The following OSBPL8 variants were observed in gnomAD, a reference collection of about 807,000 sequenced individuals.
OSBPL8 encodes the protein oxysterol-binding protein-related protein 8.
OSBPL8 carries 59 observed loss-of-function variants against 125.5 expected under a neutral mutation model. The observed-to-expected ratio is 0.47, with a 90% CI of 0.38 to 0.58. OSBPL8 has a LOEUF of 0.58. Ranked by LOEUF, OSBPL8 falls within the 20% of genes least tolerant of loss-of-function variation. The pLI is 0.00. For synonymous variants in OSBPL8, 330 were observed against 338.9 expected, an observed-to-expected ratio of 0.97 and a Z score of 0.29; for missense variants, 758 against 1,047.8, an observed-to-expected ratio of 0.72 and a Z score of 3.82.
chr12:76,512,778 T>C (rs1297495192), intron 1 of OSBPL8, among the ~76,000 whole-genome samples: 1 of 152,226 alleles, frequency 6.6e-6, no homozygotes, highest in Non-Finnish European at 1.5e-5. Flanking sequence ...CTTTGGGCAG[T>C]ATGGCCATTT....
intron 3 of OSBPL8, among the ~76,000 whole-genome samples, chr12:76,452,782 A>T (rs1033566966): frequency 6.6e-6 from 1 of 152,136 alleles, no homozygotes; most frequent in Non-Finnish European, 1.5e-5. Flanking sequence ...CTGCCGTAAT[A>T]GTCTTCTTGG....
chr12:76,525,837 G>T (rs1034828668), intron 1 of OSBPL8, among the ~76,000 whole-genome samples: 30 of 152,244 alleles, frequency 2.0e-4, no homozygotes, highest in African/African-American at 7.0e-4. Flanking sequence ...AATGTACAAA[G>T]AACCCATTCA....
At chr12:76,429,682 T>C (rs1293102977) in intron 4 of OSBPL8, among the ~76,000 whole-genome samples, 2 of 152,146 alleles carry the variant, frequency 1.3e-5, no homozygotes, top group Non-Finnish European at 2.9e-5. Flanking sequence ...ATGTGACATA[T>C]AAAAGGAGTA....
At chr12:76,369,608 T>C (rs1343836078) in intron 20 of OSBPL8, 29 bp downstream of exon 20, 1 of 1,591,880 alleles carries the variant, frequency 6.3e-7, no homozygotes, top group Non-Finnish European at 8.6e-7. Context: ...TAATACATTG[T>C]TTGAAATAAA....
At chr12:76,502,366 C>T (rs1169375799) in intron 1 of OSBPL8, among the ~76,000 whole-genome samples, 1 of 152,174 alleles carries the variant, frequency 6.6e-6, no homozygotes, top group Non-Finnish European at 1.5e-5. Flanking sequence ...CACCAGGAGA[C>T]ACAGCAATGA....
intron 21 of OSBPL8, chr12:76,366,625 GAAGT>G (rs1320127840): frequency 3.0e-5 from 13 of 435,530 alleles, no homozygotes; most frequent in African/African-American, 2.7e-4. Flanking sequence ...CTCACGGAAT[GAAGT>G]AAGGTTATTG....
In OSBPL8 at chr12:76,390,415, T is replaced by G; in HGVS notation, c.1167+5A>C. 3 of 1,589,152 alleles carry G rather than the reference T, an allele frequency of 1.9e-6. No homozygotes were observed. Among genetic ancestry groups the G allele is most frequent in the Non-Finnish European group, 2.6e-6 (3 of 1,162,680 alleles). ...CCAGAACCTCTAAAAATAGCAGACTTTTACCTCTCCAAGTTCTTCATGGCT... is the reference window on the plus strand; with the variant it reads ...CCAGAACCTCTAAAAATAGCAGACTGTTACCTCTCCAAGTTCTTCATGGCT... On this transcript the variant is annotated splice_donor_5th_base_variant and intron_variant, in intron 11 of 23. Coordinates refer to ENST00000261183, the MANE Select transcript of OSBPL8 (RefSeq NM_020841.5).
chr12:76,405,412 TTGCACCAC>T (rs1954216317), intron 5 of OSBPL8, among the ~76,000 whole-genome samples: 1 of 152,138 alleles, frequency 6.6e-6, no homozygotes, highest in African/African-American at 2.4e-5. Context: ...TGAGCAGTGA[TTGCACCAC>T]TGCACTCCAG....
At chr12:76,367,893 C>T (rs980158287) in intron 21 of OSBPL8, among the ~76,000 whole-genome samples, 4 of 152,124 alleles carry the variant, frequency 2.6e-5, no homozygotes, top group Non-Finnish European at 5.9e-5. Context: ...CATTGTATGT[C>T]TGATAACAAA....
chr12:76,536,089 T>TG (rs369861513), intron 1 of OSBPL8, among the ~76,000 whole-genome samples: 160 of 151,910 alleles, frequency 1.1e-3, no homozygotes, highest in Admixed American at 2.1e-3. Context: ...TAAGTGATAT[T>TG]GGGGGGGTGT....
At chr12:76,524,580 C>T (rs1319989974) in intron 1 of OSBPL8, among the ~76,000 whole-genome samples, 1 of 151,772 alleles carries the variant, frequency 6.6e-6, no homozygotes. Context: ...AGGTATTACA[C>T]ACTTCCTGAT....
intron 4 of OSBPL8, among the ~76,000 whole-genome samples, chr12:76,412,949 C>T (rs1397941788): frequency 6.6e-6 from 1 of 152,174 alleles, no homozygotes; most frequent in Non-Finnish European, 1.5e-5. Flanking sequence ...CAGCACTTCA[C>T]ACATACTTGT....
chr12:76,535,577 T>C (rs1950471026), intron 1 of OSBPL8, among the ~76,000 whole-genome samples: 1 of 152,128 alleles, frequency 6.6e-6, no homozygotes, highest in African/African-American at 2.4e-5. Flanking sequence ...ACTCAAAAAT[T>C]TGTACATGGA....
intron 1 of OSBPL8, among the ~76,000 whole-genome samples, chr12:76,529,402 G>A (rs188779668): frequency 5.4e-4 from 82 of 152,076 alleles, no homozygotes; most frequent in Admixed American, 5.4e-3. Flanking sequence ...TAGAAGGTAT[G>A]TCAGATTACG....
At chr12:76,555,231 C>T (rs1454128714) in intron 1 of OSBPL8, among the ~76,000 whole-genome samples, 1 of 152,096 alleles carries the variant, frequency 6.6e-6, no homozygotes, top group Non-Finnish European at 1.5e-5. Context: ...AAGACAATTT[C>T]TTCAAAAACA....
chr12:76,546,534 T>TA (rs1371599676), intron 1 of OSBPL8, among the ~76,000 whole-genome samples: 1 of 152,006 alleles, frequency 6.6e-6, no homozygotes, highest in Non-Finnish European at 1.5e-5. Flanking sequence ...TGCTGACATA[T>TA]AAAAAAATTG....
At chr12:76,555,499 C>G (rs1951066533) in intron 1 of OSBPL8, among the ~76,000 whole-genome samples, 1 of 152,040 alleles carries the variant, frequency 6.6e-6, no homozygotes, top group Non-Finnish European at 1.5e-5. Context: ...TCATGATAAA[C>G]GAATCAAAAT....
chr12:76,430,919 C>T (rs1870739421), intron 4 of OSBPL8, among the ~76,000 whole-genome samples: 1 of 152,106 alleles, frequency 6.6e-6, no homozygotes, highest in Non-Finnish European at 1.5e-5. Flanking sequence ...AACATAAAAG[C>T]ATATGAAAGT....
At chr12:76,502,202 C>T (rs1334331907) in intron 1 of OSBPL8, among the ~76,000 whole-genome samples, 1 of 147,188 alleles carries the variant, frequency 6.8e-6, no homozygotes, top group Non-Finnish European at 1.5e-5. Flanking sequence ...TCTCCTATAG[C>T]CAAGGTGCAT....
Sources: gnomAD v4.1 joint callset for allele counts (sites outside exome capture counted in the v4.1 genomes callset) on GRCh38, gnomAD v4.1.1 for gene constraint, MANE v1.5 for transcripts, NCBI Gene and HGNC (gene_info 2026-07-23, HGNC 2026-07-21) for gene names.